The following CSMD3 variants were observed in gnomAD, a reference collection of about 807,000 sequenced individuals.
CSMD3 encodes the protein CUB and Sushi multiple domains 3, also known as CUB and sushi domain-containing protein 3.
Under a neutral mutation model 435.2 loss-of-function variants are expected in CSMD3, and 177 were observed. The observed-to-expected ratio is 0.41, with a 90% confidence interval of 0.36 to 0.46. The LOEUF (loss-of-function observed/expected upper bound fraction) is 0.46. Among genes scored for constraint, CSMD3 ranks in the 20% least tolerant of loss-of-function variants. The probability of loss-of-function intolerance (pLI) is 0.34; values close to 1 mark genes in which losing one functional copy is unlikely to be tolerated. For missense variants in CSMD3, 4,265 were observed against 4,504.6 expected (o/e 0.95, Z 1.52); for synonymous variants, 1,656 against 1,520.5 (o/e 1.09, Z -2.07).
At chr8:113,197,162 C>A (rs548225739) in intron 3 of CSMD3, among the ~76,000 whole-genome samples, 4 of 151,118 alleles carry the variant, frequency 2.6e-5, no homozygotes, top group Non-Finnish European at 4.5e-5. Flanking sequence ...TTCTTCAAAA[C>A]CCAGGATATT....
chr8:113,398,352 T>G (rs1391136970), intron 1 of CSMD3, among the ~76,000 whole-genome samples: 1 of 152,190 alleles, frequency 6.6e-6, no homozygotes, highest in Non-Finnish European at 1.5e-5. Flanking sequence ...TATATCTGGA[T>G]TCTCTATTCT....
At chr8:112,568,432 A>C (rs189974315) in intron 24 of CSMD3, among the ~76,000 whole-genome samples, 1 of 152,046 alleles carries the variant, frequency 6.6e-6, no homozygotes, top group South Asian at 2.1e-4. Context: ...GTCTCTATTA[A>C]AAATACAAAA....
At chr8:113,241,171 G>C (rs2093211041) in intron 3 of CSMD3, among the ~76,000 whole-genome samples, 1 of 152,068 alleles carries the variant, frequency 6.6e-6, no homozygotes, top group African/African-American at 2.4e-5. Context: ...AAAATGCTGG[G>C]ACATTTCTAA....
chr8:112,690,181 CTT>C (rs201248925), intron 13 of CSMD3, 131 bp from the exon 14 acceptor site: 79 of 529,944 alleles, frequency 1.5e-4, no homozygotes, highest in Middle Eastern at 5.6e-4. Flanking sequence ...ATTCTCCAAT[CTT>C]TTTTTTTTTG....
intron 11 of CSMD3, among the ~76,000 whole-genome samples, chr8:112,845,815 T>C (rs1311375190): frequency 6.6e-6 from 1 of 151,994 alleles, no homozygotes. Flanking sequence ...GGCATACTAA[T>C]TAAATATAAT....
chr8:113,282,666 A>G (rs999022665), intron 2 of CSMD3, among the ~76,000 whole-genome samples: 2 of 152,098 alleles, frequency 1.3e-5, no homozygotes, highest in Non-Finnish European at 2.9e-5. Flanking sequence ...GCCAAAAGCA[A>G]TCTACAAATT....
intron 5 of CSMD3, among the ~76,000 whole-genome samples, chr8:113,068,907 G>T (rs1412456236): frequency 6.6e-6 from 1 of 151,834 alleles, no homozygotes; most frequent in Non-Finnish European, 1.5e-5. Flanking sequence ...ATTCTAGCGA[G>T]ACAAATTCAT....
At chr8:113,209,625 G>A (rs1243357439) in intron 3 of CSMD3, among the ~76,000 whole-genome samples, 1 of 152,118 alleles carries the variant, frequency 6.6e-6, no homozygotes, top group Non-Finnish European at 1.5e-5. Flanking sequence ...CTGGAGTGGG[G>A]AGAAAACGAA....
intron 12 of CSMD3, among the ~76,000 whole-genome samples, chr8:112,826,356 C>T (rs2079680296): frequency 6.6e-6 from 1 of 152,146 alleles, no homozygotes; most frequent in Non-Finnish European, 1.5e-5. Flanking sequence ...AGATGCTGGC[C>T]ACCCCTTCCC....
At chr8:113,109,377 T>G (rs1200939537) in intron 4 of CSMD3, among the ~76,000 whole-genome samples, 1 of 152,168 alleles carries the variant, frequency 6.6e-6, no homozygotes, top group Non-Finnish European at 1.5e-5. Context: ...GTATCATTTG[T>G]GCAGAGGCAA....
At chr8:113,115,580 A>G (rs891166743) in intron 4 of CSMD3, among the ~76,000 whole-genome samples, 3 of 152,206 alleles carry the variant, frequency 2.0e-5, no homozygotes, top group African/African-American at 4.8e-5. Flanking sequence ...GGCTTCTTTC[A>G]ATCCGCTATT....
chr8:113,153,983 A>T (rs1255735946), intron 4 of CSMD3, among the ~76,000 whole-genome samples: 1 of 152,076 alleles, frequency 6.6e-6, no homozygotes, highest in African/African-American at 2.4e-5. Context: ...TGAAATAGAT[A>T]TCAATTTCAA....
intron 9 of CSMD3, among the ~76,000 whole-genome samples, chr8:112,941,097 T>C (rs1482546943): frequency 6.6e-6 from 1 of 151,644 alleles, no homozygotes; most frequent in Non-Finnish European, 1.5e-5. Flanking sequence ...GAGTAACTGA[T>C]TGGAAAAGTA....
At chr8:113,112,379 A>AATAAAAC (rs1243439828) in intron 4 of CSMD3, among the ~76,000 whole-genome samples, 3 of 113,130 alleles carry the variant, frequency 2.7e-5, no homozygotes, top group Non-Finnish European at 5.4e-5. Flanking sequence ...CAACTGACCC[A>AATAAAAC]ATAAAACATA....
chr8:113,157,299 C>T (rs1331846608), intron 4 of CSMD3, among the ~76,000 whole-genome samples: 1 of 152,080 alleles, frequency 6.6e-6, no homozygotes, highest in Non-Finnish European at 1.5e-5. Context: ...GACTATAAAG[C>T]TCATGCTGTT....
intron 32 of CSMD3, among the ~76,000 whole-genome samples, chr8:112,437,876 C>T (rs978210834): frequency 2.0e-5 from 3 of 152,068 alleles, no homozygotes; most frequent in Admixed American, 6.6e-5. Context: ...TTAACTTATA[C>T]GTCAGCGATG....
At chr8:112,577,807 C>G (rs1428147976) in intron 23 of CSMD3, among the ~76,000 whole-genome samples, 3 of 152,004 alleles carry the variant, frequency 2.0e-5, no homozygotes, top group African/African-American at 7.2e-5. Context: ...TATCAACACT[C>G]AAAACTCTTG....
chr8:112,653,994 T>C (rs778653968), intron 18 of CSMD3, among the ~76,000 whole-genome samples: 4 of 151,434 alleles, frequency 2.6e-5, no homozygotes, highest in Non-Finnish European at 5.9e-5. Flanking sequence ...AATCCCCATG[T>C]TTTGGGGGGC....
At chr8:113,044,128 T>C (rs1350252448) in intron 5 of CSMD3, among the ~76,000 whole-genome samples, 2 of 152,048 alleles carry the variant, frequency 1.3e-5, no homozygotes, top group African/African-American at 4.8e-5. Context: ...AAATTCTTCT[T>C]GAAAAGATGA....
Sources: gnomAD v4.1 joint callset for allele counts (sites outside exome capture counted in the v4.1 genomes callset) on GRCh38, gnomAD v4.1.1 for gene constraint, MANE v1.5 for transcripts, NCBI Gene and HGNC (gene_info 2026-07-23, HGNC 2026-07-21) for gene names.